The following NPAS3 variants were observed in gnomAD, a reference collection of about 807,000 sequenced individuals.
NPAS3 encodes the protein neuronal PAS domain-containing protein 3.
In NPAS3, 14 loss-of-function variants were observed where a neutral mutation model predicts 73.1. The ratio of observed to expected loss-of-function variants is 0.19; its 90% CI spans 0.13 to 0.30. The LOEUF is 0.30. NPAS3 is among the 10% of genes least tolerant of loss of function. NPAS3 has a pLI of 1.00. For synonymous variants in NPAS3, 620 were observed against 541.5 expected, an observed-to-expected ratio of 1.14 and a Z score of -2.01; for missense variants, 1,096 against 1,250.0, an observed-to-expected ratio of 0.88 and a Z score of 1.86.
chr14:32,939,124 G>A (rs1595045397), upstream of NPAS3: 2 of 154,806 alleles, frequency 1.3e-5, no homozygotes, highest in East Asian at 2.2e-4. Flanking sequence ...GGCCGCCGCC[G>A]CCGCCGCCGC....
At chr14:33,790,889 G>A (rs551427589) in intron 9 of NPAS3, among the ~76,000 whole-genome samples, 1 of 152,208 alleles carries the variant, frequency 6.6e-6, no homozygotes, top group Admixed American at 6.5e-5. Context: ...GGCTAGTCTC[G>A]AACTCCTGGC....
chr14:33,147,104 A>G (rs2044262685), intron 2 of NPAS3, among the ~76,000 whole-genome samples: 2 of 152,136 alleles, frequency 1.3e-5, no homozygotes, highest in Non-Finnish European at 1.5e-5. Flanking sequence ...TATCTTTGCA[A>G]TAAGTAAACA....
At chr14:33,235,421 G>A (rs1024566440) in intron 3 of NPAS3, among the ~76,000 whole-genome samples, 16 of 151,978 alleles carry the variant, frequency 1.1e-4, no homozygotes, top group African/African-American at 3.9e-4. Context: ...TAACTAGCAG[G>A]TTAAGCATAA....
At chr14:33,015,224 T>A (rs2039347986) in intron 1 of NPAS3, among the ~76,000 whole-genome samples, 1 of 152,240 alleles carries the variant, frequency 6.6e-6, no homozygotes, top group Non-Finnish European at 1.5e-5. Context: ...TTACAAGGTT[T>A]GAGACAAACT....
intron 5 of NPAS3, among the ~76,000 whole-genome samples, chr14:33,571,995 T>G (rs2056235262): frequency 6.6e-6 from 1 of 152,232 alleles, no homozygotes; most frequent in South Asian, 2.1e-4. Flanking sequence ...AAGGACAGAC[T>G]GACTTTCTTT....
intron 1 of NPAS3, among the ~76,000 whole-genome samples, chr14:32,994,343 TAAC>T (rs1415410833): frequency 6.6e-6 from 1 of 152,158 alleles, no homozygotes; most frequent in Non-Finnish European, 1.5e-5. Context: ...AATATCCTGT[TAAC>T]AAAAATTATG....
chr14:33,344,151 C>CA (rs1352279514), intron 3 of NPAS3, among the ~76,000 whole-genome samples: 4 of 152,076 alleles, frequency 2.6e-5, no homozygotes, highest in African/African-American at 7.2e-5. Context: ...TACCTGCCCC[C>CA]AAAAATGATG....
intron 7 of NPAS3, among the ~76,000 whole-genome samples, chr14:33,745,604 G>C (rs118122342): frequency 1.3e-5 from 2 of 152,170 alleles, no homozygotes; most frequent in African/African-American, 4.8e-5. Context: ...TTCATGTATA[G>C]AGGTGAATCT....
chr14:33,248,658 G>A (rs913645479), intron 3 of NPAS3, among the ~76,000 whole-genome samples: 1 of 152,086 alleles, frequency 6.6e-6, no homozygotes, highest in Admixed American at 6.5e-5. Context: ...CACAGTAAAG[G>A]TTTCATGTAT....
At chr14:33,415,273 A>G (rs2048100789) in intron 4 of NPAS3, among the ~76,000 whole-genome samples, 1 of 152,140 alleles carries the variant, frequency 6.6e-6, no homozygotes. Context: ...GTATTATAAC[A>G]AGAATAAAAA....
chr14:33,461,103 C>T (rs972299929), intron 4 of NPAS3, among the ~76,000 whole-genome samples: 4 of 152,160 alleles, frequency 2.6e-5, no homozygotes, highest in Admixed American at 2.0e-4. Context: ...CAAAGCCTGA[C>T]TCCTGCCATT....
At chr14:33,653,716 C>T (rs543303340) in intron 5 of NPAS3, among the ~76,000 whole-genome samples, 8 of 152,320 alleles carry the variant, frequency 5.3e-5, no homozygotes, top group Admixed American at 4.6e-4. Context: ...GTAGCAAATA[C>T]TTCCCTTGGG....
At chr14:33,667,499 T>C (rs1478526737) in intron 5 of NPAS3, among the ~76,000 whole-genome samples, 1 of 152,186 alleles carries the variant, frequency 6.6e-6, no homozygotes, top group Non-Finnish European at 1.5e-5. Flanking sequence ...TTTTTTCTAC[T>C]TGCCAGTTCT....
intron 6 of NPAS3, among the ~76,000 whole-genome samples, chr14:33,693,495 A>C (rs978114683): frequency 1.2e-4 from 19 of 152,198 alleles, no homozygotes; most frequent in Admixed American, 7.2e-4. Flanking sequence ...AAATTCAGTG[A>C]AATAACTAGT....
At chr14:32,965,049 A>G (rs1439343124) in intron 1 of NPAS3, among the ~76,000 whole-genome samples, 2 of 152,168 alleles carry the variant, frequency 1.3e-5, no homozygotes, top group Non-Finnish European at 2.9e-5. Context: ...GACCAATAAC[A>G]AGTAACAAGA....
At chr14:33,499,684 T>A (rs908387641) in intron 4 of NPAS3, among the ~76,000 whole-genome samples, 2 of 151,942 alleles carry the variant, frequency 1.3e-5, no homozygotes, top group Admixed American at 1.3e-4. Flanking sequence ...ATGGGACAAT[T>A]ATAATAGAAA....
intron 6 of NPAS3, among the ~76,000 whole-genome samples, chr14:33,723,826 C>T (rs2061185810): frequency 6.6e-6 from 1 of 152,202 alleles, no homozygotes. Flanking sequence ...AAGATGTCAG[C>T]TCATGCTCCA....
intron 2 of NPAS3, among the ~76,000 whole-genome samples, chr14:33,140,112 C>T (rs745771606): frequency 1.3e-5 from 2 of 152,096 alleles, no homozygotes; most frequent in Admixed American, 6.6e-5. Flanking sequence ...AGTGTACTTT[C>T]ACCACTCCTC....
chr14:33,337,477 C>T (rs554024906), intron 3 of NPAS3, among the ~76,000 whole-genome samples: 2 of 152,166 alleles, frequency 1.3e-5, no homozygotes, highest in South Asian at 4.1e-4. Flanking sequence ...ACCACTTTGT[C>T]TTGATTTCTG....
Sources: gnomAD v4.1 joint callset for allele counts (sites outside exome capture counted in the v4.1 genomes callset) on GRCh38, gnomAD v4.1.1 for gene constraint, MANE v1.5 for transcripts, NCBI Gene and HGNC (gene_info 2026-07-23, HGNC 2026-07-21) for gene names.